The following OPRM1 variants were observed in gnomAD, a reference collection of about 807,000 sequenced individuals.
The protein encoded by OPRM1 is opioid receptor mu 1.
OPRM1 carries 27 observed loss-of-function variants against 31.8 expected under a neutral mutation model. The observed-to-expected ratio is 0.85, with a 90% CI of 0.63 to 1.17. The LOEUF (loss-of-function observed/expected upper bound fraction) is 1.17. Among genes scored for constraint, OPRM1 ranks in the 50% most tolerant of loss-of-function variants. The probability of loss-of-function intolerance (pLI) is 0.00; values close to 1 mark genes in which losing one functional copy is unlikely to be tolerated. For missense variants in OPRM1, 536 were observed against 511.1 expected (o/e 1.05, Z -0.47); for synonymous variants, 196 against 189.9 (o/e 1.03, Z -0.26).
At chr6:154,086,891 A>G (rs1291369192) in intron 1 of OPRM1, 12 of 983,942 alleles carry the variant, frequency 1.2e-5, no homozygotes, top group Non-Finnish European at 1.4e-5. Context: ...TATTAAAAAA[A>G]TAAAAAATGT....
chr6:154,082,755 G>A (rs1213431041), intron 1 of OPRM1, among the ~76,000 whole-genome samples: 1 of 152,170 alleles, frequency 6.6e-6, no homozygotes, highest in Non-Finnish European at 1.5e-5. Context: ...TAAAAGCAAA[G>A]CAGTATTCTC....
chr6:154,062,942 A>C (rs1784684249), intron 1 of OPRM1, among the ~76,000 whole-genome samples: 1 of 151,990 alleles, frequency 6.6e-6, no homozygotes, highest in Admixed American at 6.6e-5. Context: ...GAGCAATGAG[A>C]ACATCCTTAT....
At chr6:154,063,910 TTACATCTA>T (rs1784864925) in intron 1 of OPRM1, among the ~76,000 whole-genome samples, 2 of 152,116 alleles carry the variant, frequency 1.3e-5, no homozygotes, top group Non-Finnish European at 1.5e-5. Flanking sequence ...TATTGAGTGG[TTACATCTA>T]TGCTTTAGTA....
chr6:154,026,551 T>C (rs562713328), intron 1 of OPRM1, among the ~76,000 whole-genome samples: 3 of 152,218 alleles, frequency 2.0e-5, no homozygotes, highest in Non-Finnish European at 4.4e-5. Flanking sequence ...CTCTACTTCC[T>C]CTTTAAGGCC....
At chr6:154,107,935 A>G in intron 3 of OPRM1, 1 of 629,926 alleles carries the variant, frequency 1.6e-6, no homozygotes, top group Non-Finnish European at 2.8e-6. Context: ...AACTTTACAG[A>G]GGAGATAAAC....
Position 154,125,304 on chromosome 6 carries a change from T to C in OPRM1, c.*6583T>C, listed in dbSNP as rs1274019998. 1.3e-5 allele frequency among the ~76,000 whole-genome samples: 2 copies of C among 152,248 alleles called. No homozygotes were observed. Among genetic ancestry groups the C allele is most frequent in the Non-Finnish European group, 2.9e-5 (2 of 68,052 alleles). ...CTCTATCATGCATCTCAATGATTTG[T>C]TGTCATCCAAAGCTATTTCATGAAT... On this transcript the variant is annotated 3_prime_UTR_variant, in exon 4 of 4. Coordinates refer to ENST00000330432, the MANE Select transcript of OPRM1 (RefSeq NM_000914.5).
chr6:154,029,786 G>C lies in OPRM1; in HGVS notation c.1-9375G>C, dbSNP rs957199452. Reference sequence around the variant, plus strand: ...ATGCTGTTCTCATGGTAGTGAATGAGTTATCATGAGATCTGATGGTTTTAT... The same window carrying C: ...ATGCTGTTCTCATGGTAGTGAATGACTTATCATGAGATCTGATGGTTTTAT... On this transcript the variant is annotated intron_variant, in intron 1 of 5. Coordinates refer to the OPRM1 transcript ENST00000434900. 2.6e-5 allele frequency among the ~76,000 whole-genome samples: 4 copies of C among 152,296 alleles called. No homozygotes were observed. In the East Asian group the frequency reaches 7.7e-4, roughly 29 times the overall value.
intron 3 of OPRM1, among the ~76,000 whole-genome samples, chr6:154,140,530 A>C (rs1360729329): frequency 6.6e-6 from 1 of 152,038 alleles, no homozygotes; most frequent in Non-Finnish European, 1.5e-5. Flanking sequence ...GGGTTTCGCC[A>C]TGTTGGCCAG....
chr6:154,223,188 G>A (rs771326743), intron 3 of OPRM1: 2 of 1,613,634 alleles, frequency 1.2e-6, no homozygotes, highest in Non-Finnish European at 1.7e-6. Flanking sequence ...CTTGCATTCA[G>A]ATGCTCTTTC....
At chr6:154,080,455 G>A (rs1422999522) in intron 1 of OPRM1, among the ~76,000 whole-genome samples, 6 of 152,300 alleles carry the variant, frequency 3.9e-5, no homozygotes, top group South Asian at 2.1e-4. Flanking sequence ...ATGTGTGTAC[G>A]ATGATTAAAA....
intron 1 of OPRM1, among the ~76,000 whole-genome samples, chr6:154,040,746 G>T (rs1361897547): frequency 3.3e-5 from 5 of 152,126 alleles, no homozygotes; most frequent in African/African-American, 7.2e-5. Context: ...TTCTTATCAA[G>T]TAAAATTAAT....
At chr6:154,153,420 A>G (rs1012349601) in intron 3 of OPRM1, among the ~76,000 whole-genome samples, 6 of 152,302 alleles carry the variant, frequency 3.9e-5, no homozygotes, top group Admixed American at 2.0e-4. Context: ...CCGGTGGCTT[A>G]CGCCTGTAAT....
chr6:154,110,813 T>G (rs888577671), intron 3 of OPRM1, among the ~76,000 whole-genome samples: 19 of 137,106 alleles, frequency 1.4e-4, no homozygotes, highest in African/African-American at 2.7e-5. Flanking sequence ...CGTGAACCCG[T>G]GAGGCGGAGC....
intron 1 of OPRM1, among the ~76,000 whole-genome samples, chr6:154,064,341 G>C (rs553821850): frequency 6.6e-6 from 1 of 152,122 alleles, no homozygotes; most frequent in Non-Finnish European, 1.5e-5. Context: ...TGGGTTGTTT[G>C]TTTTCTGTTG....
At chr6:154,151,260 C>T (rs927056188) in intron 3 of OPRM1, among the ~76,000 whole-genome samples, 48 of 152,200 alleles carry the variant, frequency 3.2e-4, no homozygotes, top group African/African-American at 1.1e-3. Context: ...TGAAGGAATG[C>T]TTTCAGAAGG....
At chr6:154,146,756 G>T (rs1199927879) in intron 3 of OPRM1, among the ~76,000 whole-genome samples, 1 of 152,046 alleles carries the variant, frequency 6.6e-6, no homozygotes, top group Non-Finnish European at 1.5e-5. Flanking sequence ...GAACTGAAAG[G>T]GCACCCCACA....
At chr6:154,101,734 C>T (rs572049342) in intron 3 of OPRM1, among the ~76,000 whole-genome samples, 7 of 152,014 alleles carry the variant, frequency 4.6e-5, no homozygotes, top group Non-Finnish European at 7.4e-5. Context: ...TACCTTTTTT[C>T]TTACTAAATG....
At chr6:154,044,467 A>G (rs953204097) in intron 1 of OPRM1, among the ~76,000 whole-genome samples, 17 of 152,194 alleles carry the variant, frequency 1.1e-4, no homozygotes. Flanking sequence ...AACATAAAAG[A>G]AAACAAACAA....
rs186802218 is a variant in OPRM1, at chr6:154,019,061, C to T, written c.-1+8043C>T. The stretch of plus-strand genomic sequence containing the variant: ...TGCAATGTGTAATAATCACATCATG[C>T]CAAATCGAGCACCCAACCTCTCGCG... On this transcript the variant is annotated intron_variant, in intron 1 of 5. Coordinates refer to the OPRM1 transcript ENST00000434900. 4.4e-4 allele frequency among the ~76,000 whole-genome samples: 67 copies of T among 151,946 alleles called. 1 individual carries two copies. In the East Asian group the frequency reaches 0.011, roughly 25 times the overall value.
Sources: gnomAD v4.1 joint callset for allele counts (sites outside exome capture counted in the v4.1 genomes callset) on GRCh38, gnomAD v4.1.1 for gene constraint, MANE v1.5 for transcripts, NCBI Gene and HGNC (gene_info 2026-07-23, HGNC 2026-07-21) for gene names.